Variants in GRIP1 observed in about 807,000 individuals in gnomAD.
GRIP1 encodes the protein glutamate receptor-interacting protein 1.
Under a neutral mutation model 129.9 loss-of-function variants are expected in GRIP1, and 45 were observed. The observed-to-expected ratio is 0.35, with a 90% confidence interval of 0.27 to 0.44. The LOEUF is 0.44. Among genes scored for constraint, GRIP1 ranks in the 20% least tolerant of loss-of-function variants. The pLI, the probability that GRIP1 is intolerant of heterozygous loss-of-function variation, is 1.00. For synonymous variants in GRIP1, 530 were observed against 520.8 expected, an observed-to-expected ratio of 1.02 and a Z score of -0.24; for missense variants, 1,196 against 1,396.8, an observed-to-expected ratio of 0.86 and a Z score of 2.29.
At chr12:66,896,705 G>A (rs1020011064) in intron 1 of GRIP1, among the ~76,000 whole-genome samples, 4 of 152,170 alleles carry the variant, frequency 2.6e-5, no homozygotes, top group Non-Finnish European at 5.9e-5. Context: ...CTGCTGCAAA[G>A]AACAGCTCTG....
intron 1 of GRIP1, among the ~76,000 whole-genome samples, chr12:66,996,445 A>G (rs900576438): frequency 6.6e-6 from 1 of 152,036 alleles, no homozygotes; most frequent in Non-Finnish European, 1.5e-5. Flanking sequence ...AACACAGCAG[A>G]ACTGAGACAC....
intron 1 of GRIP1, among the ~76,000 whole-genome samples, chr12:66,965,528 T>C (rs1039291679): frequency 2.0e-5 from 3 of 149,914 alleles, no homozygotes; most frequent in African/African-American, 4.9e-5. Context: ...ACATGCTTCT[T>C]AGGCTACTGG....
At chr12:66,990,135 T>C (rs777773326) in intron 1 of GRIP1, among the ~76,000 whole-genome samples, 2 of 152,136 alleles carry the variant, frequency 1.3e-5, no homozygotes, top group Non-Finnish European at 1.5e-5. Context: ...AAGTTAGAGA[T>C]CTAGGGAGGT....
At chr12:66,994,029 C>G (rs1014406835) in intron 1 of GRIP1, among the ~76,000 whole-genome samples, 1 of 151,890 alleles carries the variant, frequency 6.6e-6, no homozygotes, top group Non-Finnish European at 1.5e-5. Flanking sequence ...TAAACCTCCC[C>G]CAAAGAAAAG....
At chr12:66,904,247 C>A (rs1227376738) in intron 1 of GRIP1, among the ~76,000 whole-genome samples, 1 of 152,212 alleles carries the variant, frequency 6.6e-6, no homozygotes, top group Non-Finnish European at 1.5e-5. Context: ...TTCAACCTTT[C>A]TATAACCCAG....
intron 23 of GRIP1, among the ~76,000 whole-genome samples, chr12:66,362,275 T>C (rs1464040025): frequency 2.0e-5 from 3 of 151,376 alleles, no homozygotes; most frequent in East Asian, 2.0e-4. Flanking sequence ...TGCCTCTGCT[T>C]CCTGAGTAGC....
intron 7 of GRIP1, among the ~76,000 whole-genome samples, chr12:66,478,190 A>T (rs938852504): frequency 9.9e-5 from 15 of 152,216 alleles, no homozygotes; most frequent in African/African-American, 2.9e-4. Flanking sequence ...AGAAAAAGAC[A>T]AACAACCCCA....
intron 1 of GRIP1, among the ~76,000 whole-genome samples, chr12:66,984,454 C>T (rs1291759538): frequency 6.6e-6 from 1 of 152,174 alleles, no homozygotes; most frequent in African/African-American, 2.4e-5. Context: ...AGAGGCATAA[C>T]GATGCTGAAG....
chr12:66,755,236 A>AT (rs1211960514), intron 1 of GRIP1, among the ~76,000 whole-genome samples: 1 of 152,158 alleles, frequency 6.6e-6, no homozygotes, highest in Non-Finnish European at 1.5e-5. Flanking sequence ...AGCCTTTAAT[A>AT]TTTTTTTAGA....
In GRIP1 at chr12:66,678,776, G is replaced by A. The variant is rs184092018; in HGVS notation, c.55+74C>T. ...ATTGCAAAGGCAGTCATATTTGAAA[G>A]TAAAAACCATTAAACTGTGTTTATA... On this transcript the variant is annotated intron_variant, in intron 1 of 24. Coordinates refer to ENST00000359742, the MANE Select transcript of GRIP1 (RefSeq NM_001366722.1). The A allele has an allele frequency of 1.4e-3, 1,986 of 1,404,604 alleles. 7 individuals carry two copies. Among genetic ancestry groups the A allele is most frequent in the South Asian group, 3.7e-3 (320 of 85,848 alleles). 87.0% of individuals were successfully genotyped at this position (1,404,604 alleles called of 1,614,324 possible). A position where few individuals can be genotyped will look rare whatever the true frequency, so the allele number is the denominator to read the frequency against.
intron 1 of GRIP1, among the ~76,000 whole-genome samples, chr12:66,915,557 G>T (rs977244221): frequency 6.6e-6 from 1 of 152,218 alleles, no homozygotes; most frequent in Non-Finnish European, 1.5e-5. Flanking sequence ...ATCAAGCAGA[G>T]TGACGGAATC....
chr12:66,661,474 G>A (rs898907119), intron 1 of GRIP1, among the ~76,000 whole-genome samples: 16,672 of 70,136 alleles, frequency 0.24, 1,491 homozygotes, highest in Non-Finnish European at 0.28. Flanking sequence ...AAAAAAAAAA[G>A]GTGGAGGGGA....
intron 1 of GRIP1, among the ~76,000 whole-genome samples, chr12:66,787,144 C>T (rs1303992934): frequency 6.6e-6 from 1 of 152,166 alleles, no homozygotes; most frequent in Admixed American, 6.6e-5. Context: ...TGTGCACACA[C>T]ATCTGTGTTT....
intron 1 of GRIP1, among the ~76,000 whole-genome samples, chr12:67,025,274 G>C (rs1271834978): frequency 6.6e-6 from 1 of 152,146 alleles, no homozygotes; most frequent in Non-Finnish European, 1.5e-5. Context: ...CTGGGAGGTG[G>C]AGGTTGCAGT....
At position 67,011,398 on chromosome 12, in the gene GRIP1, C is replaced by T. The variant is rs574081637; in HGVS notation, c.58+57652G>A. ...AATGCTTCAGTATTGTCCTAGTGAC[C>T]CTAGGAAAAGAACGCTGTTTTTAGA... On this transcript the variant is annotated intron_variant, in intron 1 of 1. Transcript: ENST00000643019. Among the ~76,000 whole-genome samples the T allele has an allele frequency of 5.9e-5, 9 of 152,196 alleles. No individual in the cohort carries two copies. The South Asian group carries it at 1.9e-3, about 32-fold the overall frequency.
intron 1 of GRIP1, among the ~76,000 whole-genome samples, chr12:66,600,977 G>A (rs1205349277): frequency 1.3e-5 from 2 of 152,182 alleles, no homozygotes; most frequent in Non-Finnish European, 2.9e-5. Context: ...GCCCTCCACA[G>A]GGGCTTACAT....
At chr12:66,812,873 A>T (rs2039130430) in intron 1 of GRIP1, among the ~76,000 whole-genome samples, 1 of 152,208 alleles carries the variant, frequency 6.6e-6, no homozygotes, top group Non-Finnish European at 1.5e-5. Flanking sequence ...GTTTCCATGA[A>T]CTATGAAGAA....
chr12:66,653,626 G>A (rs2032953382), intron 1 of GRIP1, among the ~76,000 whole-genome samples: 1 of 152,184 alleles, frequency 6.6e-6, no homozygotes, highest in African/African-American at 2.4e-5. Context: ...ACGCACACTA[G>A]ACTAGGAAGA....
intron 1 of GRIP1, among the ~76,000 whole-genome samples, chr12:66,932,252 T>G (rs750780794): frequency 6.6e-6 from 1 of 152,194 alleles, no homozygotes; most frequent in Non-Finnish European, 1.5e-5. Context: ...GAAAGCCTCA[T>G]GATGTTCTTC....
Sources: gnomAD v4.1 joint callset for allele counts (sites outside exome capture counted in the v4.1 genomes callset) on GRCh38, gnomAD v4.1.1 for gene constraint, MANE v1.5 for transcripts, NCBI Gene and HGNC (gene_info 2026-07-23, HGNC 2026-07-21) for gene names.